The following SLC25A20 variants were observed in gnomAD, a reference collection of about 807,000 sequenced individuals.
The protein encoded by SLC25A20 is solute carrier family 25 member 20, also known as mitochondrial carnitine/acylcarnitine carrier protein.
A neutral mutation model predicts 39.7 loss-of-function variants in SLC25A20; 29 were observed. The observed-to-expected ratio is 0.73, with a 90% CI of 0.54 to 1.00. The LOEUF (loss-of-function observed/expected upper bound fraction) is 1.00. SLC25A20 is among the 50% of genes least tolerant of loss of function. The pLI, the probability that SLC25A20 is intolerant of heterozygous loss-of-function variation, is 0.00. For synonymous variants in SLC25A20, 103 were observed against 142.2 expected (o/e 0.72, Z 1.96); for missense variants, 333 against 379.9 (o/e 0.88, Z 1.03).
At chr3:48,890,177 C>G (rs1433137678) in intron 2 of SLC25A20, among the ~76,000 whole-genome samples, 1 of 152,164 alleles carries the variant, frequency 6.6e-6, no homozygotes, top group Non-Finnish European at 1.5e-5. Context: ...TCCTTGTCCA[C>G]TTTCATGTTC....
At chr3:48,864,906 C>T (rs987624040) in intron 4 of SLC25A20, among the ~76,000 whole-genome samples, 1 of 151,838 alleles carries the variant, frequency 6.6e-6, no homozygotes, top group Non-Finnish European at 1.5e-5. Flanking sequence ...GAATCTAAAC[C>T]GTGGGAGAAA....
chr3:48,867,274 TC>T (rs1443092407), intron 4 of SLC25A20, among the ~76,000 whole-genome samples: 2 of 151,314 alleles, frequency 1.3e-5, no homozygotes, highest in Non-Finnish European at 2.9e-5. Context: ...AGATGGAGTT[TC>T]GCTCTTGTTG....
rs186110314 is a variant in SLC25A20 at position 48,866,206 on chromosome 3, G to T, written c.418-3547C>A. 6.6e-5 allele frequency among the ~76,000 whole-genome samples: 10 copies of T among 152,200 alleles called. No homozygotes were observed. In the East Asian group the frequency reaches 1.9e-3, roughly 29 times the overall value. On this transcript the variant is annotated intron_variant, in intron 4 of 8. Coordinates refer to ENST00000319017, the MANE Select transcript of SLC25A20 (RefSeq NM_000387.6). ...ATTTGCAGTTGTGAGGCAAAAGCCA[G>T]ATTGGAGCAGGTTTAACAATTAGAG...
rs1241000862 is a variant in SLC25A20, at chr3:48,898,773, T to C, written c.22A>G (p.Ile8Val). The C allele has an allele frequency of 1.9e-6, 3 of 1,596,202 alleles. No individual in the cohort carries two copies. The highest frequency in any genetic ancestry group is 2.7e-5 in the African/African-American group (2 of 74,604). Reference sequence around the variant, plus strand: ...GCCAGCAGGTTCTTGAGCGGGCTGATGGGTTTTGGCTGGTCGGCCATGGTC... The same window carrying C: ...GCCAGCAGGTTCTTGAGCGGGCTGACGGGTTTTGGCTGGTCGGCCATGGTC... The part of the protein sequence containing the change: MADQPKP[I>V]SPLKNLLAGG... The change falls in exon 1 of 9, where the codon ATC (isoleucine) becomes GTC (valine). Residue 8 changes from isoleucine to valine, a missense_variant. Transcript: ENST00000319017.
intron 2 of SLC25A20, among the ~76,000 whole-genome samples, chr3:48,889,984 C>T (rs186733118): frequency 1.4e-3 from 211 of 152,266 alleles, no homozygotes; most frequent in South Asian, 6.2e-3. Flanking sequence ...CAAGCAGTAA[C>T]GCCAGTGCCT....
At chr3:48,887,094 G>C (rs2083835213) in intron 2 of SLC25A20, among the ~76,000 whole-genome samples, 1 of 152,164 alleles carries the variant, frequency 6.6e-6, no homozygotes. Context: ...ATGGGAAAAG[G>C]ACAGAGATCT....
intron 4 of SLC25A20, among the ~76,000 whole-genome samples, chr3:48,871,963 A>G (rs1282805019): frequency 7.0e-6 from 1 of 142,708 alleles, no homozygotes; most frequent in East Asian, 2.0e-4. Context: ...CTACAGGTGC[A>G]TACCACCATG....
intron 4 of SLC25A20, among the ~76,000 whole-genome samples, chr3:48,874,747 C>T (rs1353879929): frequency 6.6e-6 from 1 of 151,758 alleles, no homozygotes; most frequent in Non-Finnish European, 1.5e-5. Context: ...GAATGAATCT[C>T]TAGAAAATTA....
intron 1 of SLC25A20, among the ~76,000 whole-genome samples, chr3:48,894,183 T>TATTCTCTC (rs376311170): frequency 9.1e-6 from 1 of 110,276 alleles, no homozygotes; most frequent in African/African-American, 3.5e-5. Flanking sequence ...AAGAAGAAGA[T>TATTCTCTC]TCTCTCTCTC....
intron 3 of SLC25A20, among the ~76,000 whole-genome samples, chr3:48,881,793 C>T (rs367804113): frequency 2.6e-5 from 4 of 152,132 alleles, no homozygotes; most frequent in East Asian, 1.9e-4. Flanking sequence ...AAAGACCAGG[C>T]GCTCAAAGAG....
intron 4 of SLC25A20, among the ~76,000 whole-genome samples, chr3:48,867,881 AG>A (rs1375663189): frequency 1.3e-5 from 2 of 151,348 alleles, no homozygotes; most frequent in East Asian, 4.0e-4. Flanking sequence ...ACCAACATGG[AG>A]AAACCCCGTC....
chr3:48,891,050 G>A (rs1244128000), intron 2 of SLC25A20, among the ~76,000 whole-genome samples: 1 of 152,068 alleles, frequency 6.6e-6, no homozygotes, highest in East Asian at 1.9e-4. Flanking sequence ...CGGCCCAGCT[G>A]TTTTCTCTTT....
chr3:48,859,285 G>T, intron 6 of SLC25A20, 84 bp from the exon 7 acceptor site: 1 of 1,279,164 alleles, frequency 7.8e-7, no homozygotes, highest in Non-Finnish European at 1.1e-6. Context: ...AGACAGGGCA[G>T]TTACAGACAG....
At chr3:48,891,943 T>C in intron 2 of SLC25A20, 37 bp downstream of exon 2, 1 of 1,497,550 alleles carries the variant, frequency 6.7e-7, no homozygotes, top group East Asian at 2.3e-5. Flanking sequence ...CGTGAATGTG[T>C]TCTGAGTAAG....
Position 48,859,077 on chromosome 3 carries a change from C to T in SLC25A20, c.718+15G>A, listed in dbSNP as rs763112013. ...ACCCACTCTCCCCCTGTCCACCCCA[C>T]TACCTTCCACTCACCAGTCTGGAAT... On this transcript the variant is annotated intron_variant, in intron 7 of 8. Transcript: ENST00000319017. The T allele has an allele frequency of 6.2e-7, 1 of 1,608,912 alleles. No individual in the cohort carries two copies. Among genetic ancestry groups the T allele is most frequent in the South Asian group, 1.1e-5 (1 of 90,788 alleles).
At chr3:48,859,478 G>T in intron 6 of SLC25A20, 77 bp downstream of exon 6, 1 of 1,212,796 alleles carries the variant, frequency 8.2e-7, no homozygotes, top group Non-Finnish European at 1.2e-6. Flanking sequence ...AACTACTTCT[G>T]CTTTCAGATT....
intron 4 of SLC25A20, among the ~76,000 whole-genome samples, chr3:48,876,180 T>TA (rs2083755326): frequency 6.6e-6 from 1 of 151,808 alleles, no homozygotes; most frequent in African/African-American, 2.4e-5. Flanking sequence ...CCATCTCTAC[T>TA]AAAAATACAA....
In SLC25A20 at chr3:48,862,668, G is replaced by A. The variant is rs2083636715; in HGVS notation, c.418-9C>T. 1 of 1,574,190 alleles carries A rather than the reference G, an allele frequency of 6.4e-7. No homozygotes were observed. The highest frequency in any genetic ancestry group is 8.7e-7 in the Non-Finnish European group (1 of 1,143,730). ...CCTGAAGAAGCCTGAATCTGGGAGG[G>A]AGGAGAGGATCATTAAGTCAGAAAC... On this transcript the variant is annotated splice_polypyrimidine_tract_variant and intron_variant, in intron 4 of 8. Transcript: ENST00000319017.
chr3:48,865,137 T>TC (rs893912028), intron 4 of SLC25A20, among the ~76,000 whole-genome samples: 5 of 151,016 alleles, frequency 3.3e-5, no homozygotes, highest in Non-Finnish European at 5.9e-5. Flanking sequence ...AGATATAATT[T>TC]TTTTTTTTTG....
Sources: allele counts gnomAD v4.1 joint callset (sites outside exome capture counted in the v4.1 genomes callset), GRCh38; gene constraint gnomAD v4.1.1; transcripts MANE v1.5; gene names NCBI Gene and HGNC (gene_info 2026-07-23, HGNC 2026-07-21).